Variants in SNED1 observed in about 807,000 individuals in gnomAD.
The protein encoded by SNED1 is sushi, nidogen and EGF like domains 1.
In SNED1, 81 loss-of-function variants were observed where a neutral mutation model predicts 166.7. The observed-to-expected ratio is 0.49, with a 90% confidence interval of 0.41 to 0.58. The LOEUF is 0.58. Among genes scored for constraint, SNED1 ranks in the 20% least tolerant of loss-of-function variants. The pLI is 0.00. For synonymous variants in SNED1, 762 were observed against 822.0 expected, an observed-to-expected ratio of 0.93 and a Z score of 1.25; for missense variants, 1,604 against 2,000.2, an observed-to-expected ratio of 0.80 and a Z score of 3.78.
chr2:241,080,336 G>C (rs2063272512), intron 27 of SNED1, among the ~76,000 whole-genome samples: 1 of 152,156 alleles, frequency 6.6e-6, no homozygotes, highest in Admixed American at 6.5e-5. Flanking sequence ...ATTTGAAATG[G>C]AAATATTAGT....
At chr2:241,042,970 G>A (rs1231190831) in intron 8 of SNED1, among the ~76,000 whole-genome samples, 1 of 151,944 alleles carries the variant, frequency 6.6e-6, no homozygotes, top group African/African-American at 2.4e-5. Flanking sequence ...CTGTGAAGGA[G>A]GATGAAGAAC....
intron 11 of SNED1, among the ~76,000 whole-genome samples, 159 bp from the exon 12 acceptor site, chr2:241,049,658 A>G (rs2125091255): frequency 6.6e-6 from 1 of 152,296 alleles, no homozygotes; most frequent in East Asian, 1.9e-4. Flanking sequence ...CCTAGAGCCC[A>G]CTCTGAGGAA....
At chr2:241,056,393 G>A (rs556328717) in intron 16 of SNED1, among the ~76,000 whole-genome samples, 1 of 152,154 alleles carries the variant, frequency 6.6e-6, no homozygotes, top group Non-Finnish European at 1.5e-5. Flanking sequence ...TGGGATTACA[G>A]GCATGAACCA....
Position 241,073,292 on chromosome 2 carries a change from A to G in SNED1, c.3844A>G (p.Asn1282Asp). Residue 1282 changes from asparagine to aspartate, a missense_variant, in exon 27 of 32, where the codon AAC becomes GAC. Asn to Asp is a conservative substitution (Grantham distance 23, BLOSUM62 1). Around this residue, in one of 2 missense-constraint regions of SNED1, gnomAD observed 367 missense variants for 379.4 expected, o/e 0.97. Coordinates refer to ENST00000310397, the MANE Select transcript of SNED1 (RefSeq NM_001080437.3). This position sits in a 1 kb window ranked among gnomAD's most constrained non-coding sequence, Gnocchi z 6.6. ...ACCCACAGCCTCGGCGCAGCTCGAG[A>G]ACATGGAGGAAGCCCCCAAGCGGGT... ...SQPTASAQLE[N>D]MEEAPKRVSL... is the part of the protein sequence containing the mutation. 1 of 1,566,418 alleles carries G rather than the reference A, an allele frequency of 6.4e-7. No homozygotes were observed. The highest frequency in any genetic ancestry group is 8.6e-7 in the Non-Finnish European group (1 of 1,156,888).
chr2:241,091,380 C>G lies in SNED1; in HGVS notation c.*2-258C>G, dbSNP rs78222907. ...GTTGCAATGCTGAGCCCACATGTTC[C>G]TAAAGATGGGGATGTAGTCGGTGGA... On this transcript the variant is annotated intron_variant, in intron 31 of 31. Transcript: ENST00000310397. The surrounding 1 kb of genome is among the most constrained non-coding windows in gnomAD (Gnocchi z 4.1). 4.9e-3 allele frequency among the ~76,000 whole-genome samples: 690 copies of G among 142,040 alleles called. 2 individuals carry two copies. Among genetic ancestry groups the G allele is most frequent in the Non-Finnish European group, 7.6e-3 (509 of 67,090 alleles). 93.2% of individuals were successfully genotyped at this position (142,040 alleles called of 152,430 possible).
chr2:241,049,020 A>G lies in SNED1; in HGVS notation c.1505-2A>G. ...GGATGGGGCTTCCTCCTTTCTCTCTAGAAATCACAGCCATGCCCTGCAACA... is the reference window on the plus strand; with the variant it reads ...GGATGGGGCTTCCTCCTTTCTCTCTGGAAATCACAGCCATGCCCTGCAACA... On this transcript the variant is annotated splice_acceptor_variant, in intron 10 of 31. Coordinates refer to ENST00000310397, the MANE Select transcript of SNED1 (RefSeq NM_001080437.3). LOFTEE classifies it high-confidence loss of function. The G allele has an allele frequency of 1.2e-6, 2 of 1,610,210 alleles. No individual in the cohort carries two copies. Among genetic ancestry groups the G allele is most frequent in the Non-Finnish European group, 1.7e-6 (2 of 1,177,698 alleles).
chr2:241,067,461 T>C lies in SNED1; in HGVS notation c.3011-303T>C, dbSNP rs535815091. On this transcript the variant is annotated intron_variant, in intron 21 of 31. Transcript: ENST00000310397. ...TCATGTCCAGAGGGACTCCGGCCCA[T>C]CCCCTGCCATGTCACTGCCACATCT... Among the ~76,000 whole-genome samples, 11 of 152,312 alleles carry C rather than the reference T, an allele frequency of 7.2e-5. No individual in the cohort carries two copies. The East Asian group carries it at 1.9e-3, about 27-fold the overall frequency.
chr2:241,049,068 G>A lies in SNED1; in HGVS notation c.1551G>A (p.Gly517=), dbSNP rs748325990. The A allele has an allele frequency of 2.5e-6, 4 of 1,613,554 alleles. No individual in the cohort carries two copies. Among genetic ancestry groups the A allele is most frequent in the Non-Finnish European group, 3.4e-6 (4 of 1,179,768 alleles). Residue 517 remains glycine, a synonymous_variant, in exon 11 of 32, where the codon GGG becomes GGA. Transcript: ENST00000310397. Reference sequence around the variant, plus strand: ...ACATGAACACACAGTGCCCAGATGGGGGCTACTGCATGGAGCACGGCGGGA... The same window carrying A: ...ACATGAACACACAGTGCCCAGATGGAGGCTACTGCATGGAGCACGGCGGGA... ...PCNMNTQCPD[G]GYCMEHGGSY...
rs113028435 is a variant in SNED1 at position 241,029,240 on chromosome 2, A to G, written c.214-1044A>G. Among the ~76,000 whole-genome samples the G allele has an allele frequency of 5.4e-3, 818 of 152,208 alleles. 6 individuals are homozygous for G. Among genetic ancestry groups the G allele is most frequent in the African/African-American group, 0.019 (779 of 41,524 alleles). On this transcript the variant is annotated intron_variant, in intron 1 of 31. Coordinates refer to ENST00000310397, the MANE Select transcript of SNED1 (RefSeq NM_001080437.3). ...TGGTCAGCTCGAGCTGCTGCAGTAA[A>G]ATGCCTTAGATTGAGTGGCTCATAA...
In SNED1 at chr2:241,064,895, C is replaced by A. The variant is rs1443309763; in HGVS notation, c.2651C>A (p.Ala884Asp). The change falls in exon 20 of 32, where the codon GCC (alanine) becomes GAC (aspartate). Residue 884 changes from alanine to aspartate, a missense_variant. Ala to Asp is a moderately radical substitution (Grantham distance 126). Coordinates refer to ENST00000310397, the MANE Select transcript of SNED1 (RefSeq NM_001080437.3). The surrounding 1 kb of genome is among the most constrained non-coding windows in gnomAD (Gnocchi z 7.0). Reference sequence around the variant, plus strand: ...TGTGGGGGCCGTGGCTATTGCCTGGCCAGCAACGGCTCCCACAGCTGCACC... The same window carrying A: ...TGTGGGGGCCGTGGCTATTGCCTGGACAGCAACGGCTCCCACAGCTGCACC... Reference protein sequence around the residue: ...SPCGGRGYCLASNGSHSCTCK... With the variant: ...SPCGGRGYCLDSNGSHSCTCK... 6.3e-7 allele frequency: 1 copy of A among 1,584,886 alleles called. No homozygotes were observed. Among genetic ancestry groups the A allele is most frequent in the Non-Finnish European group, 8.5e-7 (1 of 1,171,818 alleles).
rs2062594898 is a variant in SNED1 at position 241,069,179 on chromosome 2, G to A, written c.3307+156G>A. Among the ~76,000 whole-genome samples the A allele has an allele frequency of 6.6e-6, 1 of 152,220 alleles. No homozygotes were observed. Among genetic ancestry groups the A allele is most frequent in the Admixed American group, 6.5e-5 (1 of 15,288 alleles). The stretch of plus-strand genomic sequence containing the variant: ...TCTCTTCCGCTGGGGCCACTGGGCA[G>A]GAGCCGCTGGGCTGGGCTGGGCCCT... On this transcript the variant is annotated intron_variant, in intron 23 of 31. Coordinates refer to ENST00000310397, the MANE Select transcript of SNED1 (RefSeq NM_001080437.3). The surrounding 1 kb of genome is among the most constrained non-coding windows in gnomAD (Gnocchi z 4.9).
At chr2:241,026,582 A>G (rs4675831) in intron 1 of SNED1, among the ~76,000 whole-genome samples, 7,346 of 152,278 alleles carry the variant, frequency 0.048, 956 homozygotes, top group East Asian at 0.36. Flanking sequence ...TAATGCATCA[A>G]GTCCACTCTT....
chr2:241,094,179 T>C lies in SNED1; in HGVS notation c.*2543T>C. ...CAAACTCTCCCTTTTCCCCATTGCG[T>C]GTGGGCTGCCAGGTACAAGTAAGGG... On this transcript the variant is annotated 3_prime_UTR_variant, in exon 32 of 32. Coordinates refer to ENST00000310397, the MANE Select transcript of SNED1 (RefSeq NM_001080437.3). The surrounding 1 kb of genome is among the most constrained non-coding windows in gnomAD (Gnocchi z 4.3). 2.6e-6 allele frequency: 1 copy of C among 388,772 alleles called. No homozygotes were observed. The allele number at this position is 388,772 out of a possible 1,614,324, so 24.1% of individuals were successfully genotyped here.
At chr2:241,076,866 C>T (rs2063046042) in intron 27 of SNED1, among the ~76,000 whole-genome samples, 1 of 152,128 alleles carries the variant, frequency 6.6e-6, no homozygotes, top group Non-Finnish European at 1.5e-5. Flanking sequence ...CCGAGGCGGG[C>T]GGATCACCAG....
intron 4 of SNED1, among the ~76,000 whole-genome samples, chr2:241,035,374 C>T (rs566747830): frequency 2.4e-4 from 36 of 152,236 alleles, no homozygotes; most frequent in African/African-American, 6.3e-4. Flanking sequence ...GGGGTGGGCA[C>T]GTGGTTTGTG....
At chr2:241,039,917 T>G (rs760544689) in intron 6 of SNED1, among the ~76,000 whole-genome samples, 158 bp from the exon 7 acceptor site, 2 of 152,110 alleles carry the variant, frequency 1.3e-5, no homozygotes, top group Non-Finnish European at 2.9e-5. Flanking sequence ...TGGCCAGGCC[T>G]CTTTCTTGCC....
chr2:241,047,185 TA>T (rs2061677096), intron 8 of SNED1, among the ~76,000 whole-genome samples: 1 of 141,350 alleles, frequency 7.1e-6, no homozygotes, highest in Admixed American at 7.1e-5. Flanking sequence ...TTAGGTAAAC[TA>T]ATCAAGATAA....
intron 16 of SNED1, among the ~76,000 whole-genome samples, chr2:241,057,764 A>T (rs1275970913): frequency 2.0e-5 from 3 of 152,228 alleles, no homozygotes; most frequent in Admixed American, 2.0e-4. Context: ...GAGACCATAA[A>T]AAAATATATT....
chr2:241,094,213 C>A lies in SNED1; in HGVS notation c.*2577C>A. ...CCAGGTACAAGTAAGGGAATCTTTG[C>A]TGTGCCCACTGTCCTCCAGTAGAGA... On this transcript the variant is annotated 3_prime_UTR_variant, in exon 32 of 32. Coordinates refer to ENST00000310397, the MANE Select transcript of SNED1 (RefSeq NM_001080437.3). The surrounding 1 kb of genome is among the most constrained non-coding windows in gnomAD (Gnocchi z 4.3). 1 of 427,470 alleles carries A rather than the reference C, an allele frequency of 2.3e-6. No homozygotes were observed. Among genetic ancestry groups the A allele is most frequent in the South Asian group, 1.7e-5 (1 of 58,762 alleles). The allele number at this position is 427,470 out of a possible 1,614,324, so 26.5% of individuals were successfully genotyped here.
Sources: allele counts gnomAD v4.1 joint callset (sites outside exome capture counted in the v4.1 genomes callset), GRCh38; gene constraint gnomAD v4.1.1; regional missense constraint gnomAD v4.1.1; non-coding constraint Gnocchi (gnomAD v3.1); transcripts MANE v1.5; gene names NCBI Gene and HGNC (gene_info 2026-07-23, HGNC 2026-07-21).